Variants in ARID3A observed in about 807,000 individuals in gnomAD.
ARID3A encodes the protein AT-rich interactive domain-containing protein 3A.
Under a neutral mutation model 52.7 loss-of-function variants are expected in ARID3A, and 11 were observed. The observed-to-expected ratio is 0.21, with a 90% CI of 0.13 to 0.35. ARID3A has a LOEUF of 0.35. ARID3A is among the 10% of genes least tolerant of loss of function. The pLI is 1.00. For synonymous variants in ARID3A, 404 were observed against 359.4 expected (o/e 1.12, Z -1.40); for missense variants, 721 against 838.5 (o/e 0.86, Z 1.73).
At chr19:958,377 A>C (rs1365418956) in intron 3 of ARID3A, among the ~76,000 whole-genome samples, 1 of 140,498 alleles carries the variant, frequency 7.1e-6, no homozygotes, top group East Asian at 2.2e-4. Flanking sequence ...GCAGTGGGCC[A>C]AGATCGCGCC....
Position 975,390 on chromosome 19 carries a change from T to A in ARID3A, c.*3325T>A, listed in dbSNP as rs923405141. 1 of 231,676 alleles carries A rather than the reference T, an allele frequency of 4.3e-6. No homozygotes were observed. Among genetic ancestry groups the A allele is most frequent in the African/African-American group, 2.2e-5 (1 of 45,232 alleles). 14.4% of individuals were successfully genotyped at this position (231,676 alleles called of 1,614,324 possible). Reference sequence around the variant, plus strand: ...CACGGGGGGCAGCTGGGGTCGTTGTTAAGGGTCACGCATCTGTACAGTTGA... The same window carrying A: ...CACGGGGGGCAGCTGGGGTCGTTGTAAAGGGTCACGCATCTGTACAGTTGA... On this transcript the variant is annotated 3_prime_UTR_variant, in exon 9 of 9. Coordinates refer to ENST00000263620, the MANE Select transcript of ARID3A (RefSeq NM_005224.3).
rs2038009924 is a variant in ARID3A at position 960,190 on chromosome 19, G to A, written c.766+26G>A. The A allele has an allele frequency of 1.9e-6, 3 of 1,586,396 alleles. No individual in the cohort carries two copies. The highest frequency in any genetic ancestry group is 2.6e-6 in the Non-Finnish European group (3 of 1,161,876). On this transcript the variant is annotated intron_variant, in intron 4 of 8. Transcript: ENST00000263620. The surrounding 1 kb of genome is among the most constrained non-coding windows in gnomAD (Gnocchi z 4.3). ...GTGAGCCCTCTGCCCCCACCCCGCT[G>A]GAGGGAGGTCACAGAAACAGGGCTG...
At chr19:943,598 T>C (rs369587733) in intron 3 of ARID3A, among the ~76,000 whole-genome samples, 3 of 151,450 alleles carry the variant, frequency 2.0e-5, no homozygotes, top group Non-Finnish European at 4.4e-5. Context: ...AAAGAGAAAT[T>C]TGGACACGGA....
Position 929,367 on chromosome 19 carries a change from CCG to C in ARID3A, c.-160_-159del. The C allele has an allele frequency of 6.8e-5, 21 of 308,846 alleles. No homozygotes were observed. Among genetic ancestry groups the C allele is most frequent in the Non-Finnish European group, 9.7e-5 (19 of 194,960 alleles). The allele number at this position is 308,846 out of a possible 1,614,324, so 19.1% of individuals were successfully genotyped here. Reference sequence around the variant, plus strand: ...GCCTTCAGCTTGAGCCCGGCGGCCCCCGCCCCCGCCCCCTGCCACCCTGCACT... The same window carrying C: ...GCCTTCAGCTTGAGCCCGGCGGCCCCCCCCCGCCCCCTGCCACCCTGCACT... On this transcript the variant is annotated 5_prime_UTR_variant, in exon 2 of 9. Coordinates refer to ENST00000263620, the MANE Select transcript of ARID3A (RefSeq NM_005224.3). The surrounding 1 kb of genome is among the most constrained non-coding windows in gnomAD (Gnocchi z 6.2).
At position 973,012 on chromosome 19, in the gene ARID3A, G is replaced by T. The variant is rs1032876438; in HGVS notation, c.*947G>T. On this transcript the variant is annotated 3_prime_UTR_variant, in exon 9 of 9. Transcript: ENST00000263620. ...CATGCTGGGGTCCCACCGGCCAGGG[G>T]CCCCTGACAGTGAATTGCTGACTGT... 1 of 201,556 alleles carries T rather than the reference G, an allele frequency of 5.0e-6. No individual in the cohort carries two copies. The highest frequency in any genetic ancestry group is 1.0e-5 in the Non-Finnish European group (1 of 98,114). 12.5% of individuals were successfully genotyped at this position (201,556 alleles called of 1,614,324 possible).
chr19:936,671 T>C (rs1482258507), intron 3 of ARID3A, among the ~76,000 whole-genome samples: 2 of 151,714 alleles, frequency 1.3e-5, no homozygotes, highest in Admixed American at 1.3e-4. Context: ...TGAAACCCTG[T>C]CTCTACTAAA....
intron 6 of ARID3A, 55 bp downstream of exon 6, chr19:965,135 G>A: frequency 2.6e-6 from 4 of 1,527,274 alleles, no homozygotes; most frequent in Non-Finnish European, 3.5e-6. Context: ...CAGCCTGGCT[G>A]TCTGACCTTG....
In ARID3A at chr19:975,261, C is replaced by T. The variant is rs1362418500; in HGVS notation, c.*3196C>T. On this transcript the variant is annotated 3_prime_UTR_variant, in exon 9 of 9. Coordinates refer to ENST00000263620, the MANE Select transcript of ARID3A (RefSeq NM_005224.3). The stretch of plus-strand genomic sequence containing the variant: ...GTGGGTGCCCCACAGTCAAGGCCAA[C>T]GGGGGCTCCCCCTGCTCTGAGATGT... 6 of 202,148 alleles carry T rather than the reference C, an allele frequency of 3.0e-5. No homozygotes were observed. The highest frequency in any genetic ancestry group is 1.5e-4 in the East Asian group (2 of 13,084). 12.5% of individuals were successfully genotyped at this position (202,148 alleles called of 1,614,324 possible). A position where few individuals can be genotyped will look rare whatever the true frequency, so the allele number is the denominator to read the frequency against.
chr19:953,674 G>A (rs1013584562), intron 3 of ARID3A, among the ~76,000 whole-genome samples: 6 of 152,230 alleles, frequency 3.9e-5, no homozygotes, highest in East Asian at 1.9e-4. Context: ...AGAAGGCGAC[G>A]TTTGGGCGGG....
chr19:931,871 G>A (rs1221567974), intron 2 of ARID3A, among the ~76,000 whole-genome samples: 1 of 152,090 alleles, frequency 6.6e-6, no homozygotes, highest in Non-Finnish European at 1.5e-5. Context: ...GTGCCGTGGA[G>A]GGGCAGTGGC....
At chr19:927,309 C>T (rs929466220) in intron 1 of ARID3A, among the ~76,000 whole-genome samples, 7 of 149,086 alleles carry the variant, frequency 4.7e-5, no homozygotes, top group African/African-American at 1.5e-4. Flanking sequence ...GGACAAAGGG[C>T]TCTTGGGGGG....
intron 3 of ARID3A, among the ~76,000 whole-genome samples, chr19:958,340 A>C (rs2037964692): frequency 6.8e-6 from 1 of 147,768 alleles, no homozygotes; most frequent in South Asian, 2.2e-4. Flanking sequence ...AGGCAGGAGA[A>C]TGGCGTGAAC....
rs2038349704 is a variant in ARID3A at position 974,889 on chromosome 19, G to A, written c.*2824G>A. ...CGGGGTGGGTGGGGGGTGGGCGCGA[G>A]GCTGGGTCCCGGCCCAGGAGAAGGA... On this transcript the variant is annotated 3_prime_UTR_variant, in exon 9 of 9. Coordinates refer to ENST00000263620, the MANE Select transcript of ARID3A (RefSeq NM_005224.3). 1 of 227,350 alleles carries A rather than the reference G, an allele frequency of 4.4e-6. No homozygotes were observed. Among genetic ancestry groups the A allele is most frequent in the Non-Finnish European group, 8.8e-6 (1 of 114,198 alleles). 14.1% of individuals were successfully genotyped at this position (227,350 alleles called of 1,614,324 possible).
intron 3 of ARID3A, 114 bp downstream of exon 3, chr19:932,856 T>G: frequency 6.7e-7 from 1 of 1,483,630 alleles, no homozygotes; most frequent in Non-Finnish European, 8.9e-7. Flanking sequence ...AGTTGAGAGC[T>G]GGGGGTTCCT....
In ARID3A at chr19:959,978, AG is replaced by A; in HGVS notation, c.694-110del. 1.2e-6 allele frequency: 1 copy of A among 825,990 alleles called. No homozygotes were observed. The highest frequency in any genetic ancestry group is 3.0e-5 in the East Asian group (1 of 33,344). The allele number at this position is 825,990 out of a possible 1,614,324, so 51.2% of individuals were successfully genotyped here. A position where few individuals can be genotyped will look rare whatever the true frequency, so the allele number is the denominator to read the frequency against. On this transcript the variant is annotated intron_variant, in intron 3 of 8. Coordinates refer to ENST00000263620, the MANE Select transcript of ARID3A (RefSeq NM_005224.3). The surrounding 1 kb of genome is among the most constrained non-coding windows in gnomAD (Gnocchi z 5.0). ...GCTCTGGCAGCGGCTTGAGGGTCCTAGGGGTGGTGACCCCTGCTCCTGTCCT... is the reference window on the plus strand; with the variant it reads ...GCTCTGGCAGCGGCTTGAGGGTCCTAGGGTGGTGACCCCTGCTCCTGTCCT...
intron 3 of ARID3A, among the ~76,000 whole-genome samples, chr19:936,927 T>C (rs938722888): frequency 1.3e-5 from 2 of 151,876 alleles, no homozygotes; most frequent in Non-Finnish European, 2.9e-5. Context: ...CAACCACACA[T>C]CCCCTCCTGC....
At chr19:936,507 A>C (rs1215495550) in intron 3 of ARID3A, among the ~76,000 whole-genome samples, 1 of 151,894 alleles carries the variant, frequency 6.6e-6, no homozygotes, top group Admixed American at 6.6e-5. Context: ...TCGCGCCACC[A>C]CACTCCAGCT....
intron 8 of ARID3A, among the ~76,000 whole-genome samples, chr19:970,728 C>A (rs2038261672): frequency 3.3e-5 from 5 of 151,958 alleles, no homozygotes; most frequent in Admixed American, 3.3e-4. Flanking sequence ...TGGTCTTGGC[C>A]TCCCAAAGTG....
At chr19:957,097 C>G (rs1424894808) in intron 3 of ARID3A, among the ~76,000 whole-genome samples, 1 of 97,884 alleles carries the variant, frequency 1.0e-5, no homozygotes, top group South Asian at 3.8e-4. Context: ...CCACCCTGCC[C>G]GCCCGAACCT....
Sources: allele counts gnomAD v4.1 joint callset (sites outside exome capture counted in the v4.1 genomes callset), GRCh38; gene constraint gnomAD v4.1.1; non-coding constraint Gnocchi (gnomAD v3.1); transcripts MANE v1.5; gene names NCBI Gene and HGNC (gene_info 2026-07-23, HGNC 2026-07-21).